SLC4A10: variants seen among roughly 807,000 people sequenced by gnomAD.
SLC4A10 encodes solute carrier family 4 member 10, also known as sodium-driven chloride bicarbonate exchanger.
In SLC4A10, 42 loss-of-function variants were observed where a neutral mutation model predicts 137.7. The observed-to-expected ratio is 0.30, with a 90% CI of 0.24 to 0.39. SLC4A10 has a LOEUF of 0.39. Among genes scored for constraint, SLC4A10 ranks in the 10% least tolerant of loss-of-function variants. The probability of loss-of-function intolerance (pLI) is 1.00; values close to 1 mark genes in which losing one functional copy is unlikely to be tolerated. For missense variants in SLC4A10, 925 were observed against 1,355.0 expected (o/e 0.68, Z 4.98); for synonymous variants, 474 against 464.1 (o/e 1.02, Z -0.27).
At chr2:161,685,608 A>C (rs2041310368) in intron 1 of SLC4A10, among the ~76,000 whole-genome samples, 1 of 90,924 alleles carries the variant, frequency 1.1e-5, no homozygotes. Flanking sequence ...AGTCTGTCTC[A>C]GAAAAACAAA....
At chr2:161,976,579 C>T (rs1332607651) in intron 24 of SLC4A10, among the ~76,000 whole-genome samples, 181 bp from the exon 25 acceptor site, 1 of 152,134 alleles carries the variant, frequency 6.6e-6, no homozygotes, top group Non-Finnish European at 1.5e-5. Context: ...TAACCCTGAA[C>T]TGTACTTTTA....
At chr2:161,630,980 C>G (rs2033441158) in intron 1 of SLC4A10, among the ~76,000 whole-genome samples, 1 of 151,772 alleles carries the variant, frequency 6.6e-6, no homozygotes, top group Non-Finnish European at 1.5e-5. Context: ...GCTTTCACAT[C>G]TTCCCCTCCA....
At chr2:161,663,282 A>C (rs1350998051) in intron 1 of SLC4A10, among the ~76,000 whole-genome samples, 1 of 152,176 alleles carries the variant, frequency 6.6e-6, no homozygotes, top group Non-Finnish European at 1.5e-5. Flanking sequence ...CACACAAAAA[A>C]CAAATTTAAA....
At chr2:161,952,649 G>T (rs774163977) in intron 19 of SLC4A10, among the ~76,000 whole-genome samples, 4 of 152,186 alleles carry the variant, frequency 2.6e-5, no homozygotes, top group Non-Finnish European at 5.9e-5. Flanking sequence ...ACAGGCAGAA[G>T]AGTCAGCCTG....
chr2:161,789,163 G>A (rs2053949017), intron 2 of SLC4A10, among the ~76,000 whole-genome samples: 3 of 152,194 alleles, frequency 2.0e-5, no homozygotes, highest in Admixed American at 1.3e-4. Flanking sequence ...ACACCAGCAC[G>A]AGCTGGCCAC....
At chr2:161,780,597 A>G (rs1333581907) in intron 2 of SLC4A10, among the ~76,000 whole-genome samples, 2 of 151,978 alleles carry the variant, frequency 1.3e-5, no homozygotes, top group Admixed American at 6.6e-5. Context: ...ATCCCTTTTG[A>G]AATAAGCTTT....
chr2:161,812,237 G>A (rs1023911777), intron 3 of SLC4A10, among the ~76,000 whole-genome samples: 2 of 151,920 alleles, frequency 1.3e-5, no homozygotes, highest in African/African-American at 4.8e-5. Flanking sequence ...CCGCATACAC[G>A]AATAGTTTTC....
chr2:161,763,956 G>T (rs1335811115), intron 1 of SLC4A10, among the ~76,000 whole-genome samples: 1 of 152,116 alleles, frequency 6.6e-6, no homozygotes, highest in Non-Finnish European at 1.5e-5. Flanking sequence ...GGACCATCTG[G>T]CAGAATGGCA....
chr2:161,892,287 A>G (rs757833349), intron 10 of SLC4A10, among the ~76,000 whole-genome samples: 1 of 152,076 alleles, frequency 6.6e-6, no homozygotes, highest in Non-Finnish European at 1.5e-5. Context: ...TAACAGGAAA[A>G]GAGTAGGGTT....
intron 3 of SLC4A10, among the ~76,000 whole-genome samples, chr2:161,828,810 G>T (rs371347628): frequency 3.5e-4 from 18 of 51,370 alleles, no homozygotes; most frequent in African/African-American, 9.4e-4. Flanking sequence ...ATATATATAT[G>T]TATAATCTAC....
At chr2:161,964,928 C>G (rs1304986657) in intron 22 of SLC4A10, 123 bp from the exon 23 acceptor site, 1 of 768,166 alleles carries the variant, frequency 1.3e-6, no homozygotes, top group African/African-American at 1.8e-5. Context: ...ACATATATAT[C>G]TTTAATTTTT....
chr2:161,673,063 G>A (rs2039908099), intron 1 of SLC4A10, among the ~76,000 whole-genome samples: 1 of 152,192 alleles, frequency 6.6e-6, no homozygotes, highest in South Asian at 2.1e-4. Context: ...ACTGCGCCAT[G>A]AGCAGGGCAG....
At chr2:161,680,369 A>G (rs979539635) in intron 1 of SLC4A10, among the ~76,000 whole-genome samples, 32 of 152,160 alleles carry the variant, frequency 2.1e-4, no homozygotes, top group African/African-American at 7.5e-4. Context: ...TATTTCCAAG[A>G]GGTAAACATA....
chr2:161,950,649 T>C, intron 18 of SLC4A10, 38 bp from the exon 19 acceptor site: 1 of 1,552,534 alleles, frequency 6.4e-7, no homozygotes, highest in Non-Finnish European at 8.7e-7. Context: ...TATTCATTAA[T>C]CCAGTTCATA....
chr2:161,940,156 G>A (rs768757946), intron 15 of SLC4A10, among the ~76,000 whole-genome samples: 3 of 152,070 alleles, frequency 2.0e-5, no homozygotes, highest in Non-Finnish European at 4.4e-5. Context: ...TGAGTCCAAG[G>A]CACCTAAGTC....
chr2:161,761,401 A>G (rs1559188913), intron 1 of SLC4A10, among the ~76,000 whole-genome samples: 1 of 152,004 alleles, frequency 6.6e-6, no homozygotes, highest in Non-Finnish European at 1.5e-5. Context: ...GAGCAAATTA[A>G]CATGAAGAGA....
chr2:161,948,878 A>G (rs1397285011), intron 17 of SLC4A10, among the ~76,000 whole-genome samples: 1 of 152,114 alleles, frequency 6.6e-6, no homozygotes, highest in Non-Finnish European at 1.5e-5. Flanking sequence ...TAGATTTTAA[A>G]TAAACATTGA....
chr2:161,863,182 T>A, intron 6 of SLC4A10, 120 bp downstream of exon 6: 1 of 972,160 alleles, frequency 1.0e-6, no homozygotes, highest in East Asian at 2.7e-5. Flanking sequence ...CAGATTATTG[T>A]AGAATTCTTT....
intron 1 of SLC4A10, among the ~76,000 whole-genome samples, chr2:161,743,928 C>A (rs2048163430): frequency 6.6e-6 from 1 of 151,910 alleles, no homozygotes; most frequent in Non-Finnish European, 1.5e-5. Flanking sequence ...ATTTCTTTTT[C>A]AGTTTGTCTG....
Sources: allele counts gnomAD v4.1 joint callset (sites outside exome capture counted in the v4.1 genomes callset), GRCh38; gene constraint gnomAD v4.1.1; transcripts MANE v1.5; gene names NCBI Gene and HGNC (gene_info 2026-07-23, HGNC 2026-07-21).